Variants in TIPIN observed in about 807,000 individuals in gnomAD.
TIPIN encodes TIMELESS-interacting protein.
TIPIN carries 29 observed loss-of-function variants against 35.6 expected under a neutral mutation model. The observed-to-expected ratio is 0.82, with a 90% CI of 0.61 to 1.11. TIPIN has a LOEUF of 1.11. Ranked by LOEUF, TIPIN falls within the 50% of genes most tolerant of loss-of-function variation. The probability of loss-of-function intolerance (pLI) is 0.00; values close to 1 mark genes in which losing one functional copy is unlikely to be tolerated. For missense variants in TIPIN, 296 were observed against 345.4 expected (o/e 0.86, Z 1.13); for synonymous variants, 102 against 121.5 (o/e 0.84, Z 1.06).
At chr15:66,367,562 CT>C (rs1388040606) in intron 1 of TIPIN, among the ~76,000 whole-genome samples, 7 of 151,294 alleles carry the variant, frequency 4.6e-5, no homozygotes. Flanking sequence ...ACTTGGCTAA[CT>C]TTTGTATTTT....
intron 1 of TIPIN, among the ~76,000 whole-genome samples, 184 bp from the exon 2 acceptor site, chr15:66,353,139 A>G (rs921948819): frequency 3.3e-5 from 5 of 152,188 alleles, no homozygotes; most frequent in African/African-American, 1.2e-4. Flanking sequence ...CTAAGTTCCA[A>G]TGTAGACCCT....
intron 1 of TIPIN, among the ~76,000 whole-genome samples, chr15:66,367,613 T>C (rs2093261526): frequency 6.6e-6 from 1 of 152,012 alleles, no homozygotes; most frequent in Non-Finnish European, 1.5e-5. Flanking sequence ...CAGGCTTGTC[T>C]TGAAATCTTG....
intron 1 of TIPIN, among the ~76,000 whole-genome samples, chr15:66,368,813 C>A (rs1595815100): frequency 6.6e-6 from 1 of 152,180 alleles, no homozygotes; most frequent in East Asian, 1.9e-4. Flanking sequence ...AATGTCCTAG[C>A]CAAACAAACC....
At chr15:66,342,893 C>T (rs1230306786) in intron 6 of TIPIN, among the ~76,000 whole-genome samples, 1 of 152,132 alleles carries the variant, frequency 6.6e-6, no homozygotes, top group African/African-American at 2.4e-5. Context: ...AATAATAGAT[C>T]TTCCATTTAT....
Position 66,349,066 on chromosome 15 carries a change from T to C in TIPIN, c.469A>G (p.Asn157Asp), listed in dbSNP as rs1274467117. Reference protein sequence around the residue: ...LPILHEDFVSNNDEVAENNEH... With the variant: ...LPILHEDFVSDNDEVAENNEH... ...GATAAACCTATATTCTTACCATTAT[T>C]GCTAACAAAATCTTCATGTAAAATA... is the stretch of plus-strand genomic sequence containing the variant. The change falls in exon 6 of 8, where the codon AAT becomes GAT. Residue 157 changes from asparagine to aspartate, a missense_variant. Asn to Asp is a conservative substitution (Grantham distance 23). Coordinates refer to ENST00000261881, the MANE Select transcript of TIPIN (RefSeq NM_017858.3). 2 of 1,609,176 alleles carry C rather than the reference T, an allele frequency of 1.2e-6. No homozygotes were observed. Among genetic ancestry groups the C allele is most frequent in the Non-Finnish European group, 8.5e-7 (1 of 1,177,426 alleles).
upstream of TIPIN, among the ~76,000 whole-genome samples, chr15:66,359,872 T>C (rs2093223744): frequency 6.6e-6 from 1 of 152,158 alleles, no homozygotes; most frequent in South Asian, 2.1e-4. Flanking sequence ...CTCTTGAAGG[T>C]TTAAATCTCA....
intron 6 of TIPIN, among the ~76,000 whole-genome samples, chr15:66,347,640 C>T (rs539279967): frequency 3.9e-5 from 6 of 151,990 alleles, no homozygotes; most frequent in Non-Finnish European, 5.9e-5. Flanking sequence ...TGGATTGCAA[C>T]GACGCAATCT....
intron 7 of TIPIN, among the ~76,000 whole-genome samples, chr15:66,338,932 A>C (rs1015915869): frequency 6.6e-6 from 1 of 151,338 alleles, no homozygotes; most frequent in Non-Finnish European, 1.5e-5. Flanking sequence ...GGAGTTCAAG[A>C]CCACCCTGGC....
chr15:66,379,560 C>T, intron 1 of TIPIN: 2 of 1,611,192 alleles, frequency 1.2e-6, no homozygotes, highest in South Asian at 2.2e-5. Context: ...GTATTTTTCA[C>T]CCAAGAAATT....
chr15:66,383,964 A>G (rs892059035), intron 1 of TIPIN, among the ~76,000 whole-genome samples: 2 of 152,096 alleles, frequency 1.3e-5, no homozygotes, highest in South Asian at 2.1e-4. Flanking sequence ...CAAACCTCAA[A>G]TATACACAAT....
At position 66,341,151 on chromosome 15, in the gene TIPIN, A is replaced by G. The variant is rs1214970390; in HGVS notation, c.681T>C (p.Asn227=). 1 of 1,609,272 alleles carries G rather than the reference A, an allele frequency of 6.2e-7. No individual in the cohort carries two copies. The highest frequency in any genetic ancestry group is 1.7e-5 in the Admixed American group (1 of 59,430). The change falls in exon 7 of 8, where the codon AAT becomes AAC. Residue 227 remains asparagine (N), a splice_region_variant and synonymous_variant. Coordinates refer to ENST00000261881, the MANE Select transcript of TIPIN (RefSeq NM_017858.3). The stretch of plus-strand genomic sequence containing the variant: ...TATAAAATTTGGCATAAAATTTACC[A>G]TTTCCTAGGGTCTGACTATTACTCA... ...KLLSNSQTLG[N]DMLMNTPRAH... is the part of the protein sequence containing the mutation.
chr15:66,358,786 G>T (rs531061549), upstream of TIPIN, among the ~76,000 whole-genome samples: 464 of 152,020 alleles, frequency 3.1e-3, 3 homozygotes, highest in Middle Eastern at 0.014. Flanking sequence ...GCTCACACCT[G>T]TAATCCCAGC....
chr15:66,353,586 A>G (rs1255759223), intron 1 of TIPIN, among the ~76,000 whole-genome samples: 1 of 150,880 alleles, frequency 6.6e-6, no homozygotes, highest in African/African-American at 2.5e-5. Flanking sequence ...ACTGCACTCC[A>G]GCCTGGGCGA....
At chr15:66,367,208 C>CTATATCTATATCTA (rs1555410028) in intron 1 of TIPIN, among the ~76,000 whole-genome samples, 3,879 of 149,062 alleles carry the variant, frequency 0.026, 61 homozygotes, top group South Asian at 0.055. Flanking sequence ...ATATCTATAT[C>CTATATCTATATCTA]TATATCTATA....
rs757200672 is a variant in TIPIN, at chr15:66,349,411, T to C, written c.315A>G (p.Arg105=). 2.5e-6 allele frequency: 4 copies of C among 1,613,376 alleles called. No homozygotes were observed. The highest frequency in any genetic ancestry group is 3.4e-6 in the Non-Finnish European group (4 of 1,179,900). The stretch of plus-strand genomic sequence containing the variant: ...GCCTATGTGCCCAGTGCTCCATGTG[T>C]CTGATTAGCATCTTCAAGTCTTCAG... ...HEAEDLKMLI[R]HMEHWAHRLF... The change falls in exon 5 of 8, where the codon AGA becomes AGG. Residue 105 remains arginine (R), a synonymous_variant. Coordinates refer to ENST00000261881, the MANE Select transcript of TIPIN (RefSeq NM_017858.3).
chr15:66,344,153 A>G (rs1269208279), intron 6 of TIPIN, among the ~76,000 whole-genome samples: 1 of 152,120 alleles, frequency 6.6e-6, no homozygotes, highest in Non-Finnish European at 1.5e-5. Context: ...GCTAGAGTAC[A>G]GTGGTATGAT....
chr15:66,356,123 C>T (rs1476043095), intron 1 of TIPIN, among the ~76,000 whole-genome samples: 1 of 152,096 alleles, frequency 6.6e-6, no homozygotes, highest in Non-Finnish European at 1.5e-5. Flanking sequence ...TGTTCCCAGA[C>T]CCTGGTTTCC....
chr15:66,356,568 A>ATCTGGCTCCCTGGCTAG, intron 1 of TIPIN, 71 bp downstream of exon 1: 1 of 975,910 alleles, frequency 1.0e-6, no homozygotes, highest in Non-Finnish European at 1.2e-6. Flanking sequence ...TGGCTCTTCC[A>ATCTGGCTCCCTGGCTAG]TCTGGCTCCC....
In TIPIN at chr15:66,352,929, T is replaced by C. The variant is rs748747093; in HGVS notation, c.19A>G (p.Asn7Asp). 1 of 1,613,426 alleles carries C rather than the reference T, an allele frequency of 6.2e-7. No individual in the cohort carries two copies. Among genetic ancestry groups the C allele is most frequent in the Non-Finnish European group, 8.5e-7 (1 of 1,179,842 alleles). ...TAATCTGGTAGGTCAATCACGCCAT[T>C]CTCCTGTGGTTCTAGCATCTTTTCC... MLEPQE[N>D]GVIDLPDYEH... Residue 7 changes from asparagine (N) to aspartate (D), a missense_variant, in exon 2 of 8, where the codon AAT becomes GAT. Asn to Asp is a conservative substitution (Grantham distance 23, BLOSUM62 1). Coordinates refer to ENST00000261881, the MANE Select transcript of TIPIN (RefSeq NM_017858.3).
Sources: allele counts gnomAD v4.1 joint callset (sites outside exome capture counted in the v4.1 genomes callset), GRCh38; gene constraint gnomAD v4.1.1; transcripts MANE v1.5; gene names NCBI Gene and HGNC (gene_info 2026-07-23, HGNC 2026-07-21).